The following PPP1R1C variants were observed in gnomAD, a reference collection of about 807,000 sequenced individuals.
PPP1R1C encodes the protein protein phosphatase 1 regulatory subunit 1C.
Under a neutral mutation model 17.4 loss-of-function variants are expected in PPP1R1C, and 15 were observed. The ratio of observed to expected loss-of-function variants is 0.86; its 90% CI spans 0.58 to 1.33. The LOEUF is 1.33. PPP1R1C is among the 40% of genes most tolerant of loss of function. PPP1R1C has a pLI of 0.00. For synonymous variants in PPP1R1C, 35 were observed against 43.1 expected (o/e 0.81, Z 0.73); for missense variants, 143 against 130.0 (o/e 1.10, Z -0.48).
chr2:182,065,661 T>C (rs1303813986), intron 4 of PPP1R1C, among the ~76,000 whole-genome samples: 1 of 151,982 alleles, frequency 6.6e-6, no homozygotes, highest in Non-Finnish European at 1.5e-5. Context: ...TTGGAGGCTA[T>C]AGGGCATTAT....
intron 4 of PPP1R1C, among the ~76,000 whole-genome samples, chr2:182,086,388 C>A (rs1053140495): frequency 1.3e-5 from 2 of 152,024 alleles, no homozygotes; most frequent in Non-Finnish European, 2.9e-5. Context: ...AAGGATCATA[C>A]TTAAACTTTG....
chr2:181,981,409 T>C (rs1685192360), upstream of PPP1R1C, among the ~76,000 whole-genome samples: 1 of 152,198 alleles, frequency 6.6e-6, no homozygotes, highest in South Asian at 2.1e-4. Context: ...CTTATAGCTG[T>C]AGATCTGAAA....
At chr2:182,106,527 A>G (rs571737763) in intron 4 of PPP1R1C, among the ~76,000 whole-genome samples, 1 of 152,256 alleles carries the variant, frequency 6.6e-6, no homozygotes, top group Admixed American at 6.5e-5. Flanking sequence ...TTCCCACTCC[A>G]TCCCACTTCT....
chr2:182,024,409 G>A (rs1686527693), intron 2 of PPP1R1C, among the ~76,000 whole-genome samples: 1 of 151,838 alleles, frequency 6.6e-6, no homozygotes, highest in Non-Finnish European at 1.5e-5. Context: ...TCAGAGCACA[G>A]TCAATTGATA....
intron 2 of PPP1R1C, among the ~76,000 whole-genome samples, chr2:181,997,723 C>A (rs143443398): frequency 6.6e-6 from 1 of 152,100 alleles, no homozygotes. Flanking sequence ...TCATGATTTA[C>A]GGACAGAAGT....
rs559346884 is a variant in PPP1R1C, at chr2:181,963,584, G to A, written n.111+8950G>A. Among the ~76,000 whole-genome samples the A allele has an allele frequency of 4.6e-5, 7 of 152,290 alleles. No homozygotes were observed. The East Asian group carries it at 1.2e-3, about 25-fold the overall frequency. On this transcript the variant is annotated intron_variant and non_coding_transcript_variant, in intron 1 of 5. Transcript: ENST00000464264. ...AACTGGGACCCGGGAGGCAGAGGTT[G>A]CAGTGAGCCAAGATTGGGCCACTGC... is the stretch of plus-strand genomic sequence containing the variant.
intron 2 of PPP1R1C, among the ~76,000 whole-genome samples, chr2:182,009,010 A>G (rs551510617): frequency 2.6e-5 from 4 of 152,110 alleles, no homozygotes; most frequent in African/African-American, 9.7e-5. Context: ...TACGTATCAC[A>G]TTTTGTTATC....
intron 5 of PPP1R1C, among the ~76,000 whole-genome samples, chr2:182,127,369 T>C (rs914686343): frequency 6.6e-6 from 1 of 152,064 alleles, no homozygotes; most frequent in Admixed American, 6.6e-5. Flanking sequence ...AAGTTCAAAA[T>C]TGTGTCATGT....
intron 2 of PPP1R1C, among the ~76,000 whole-genome samples, chr2:182,016,924 T>A (rs1035114126): frequency 1.3e-5 from 2 of 152,214 alleles, no homozygotes; most frequent in African/African-American, 2.4e-5. Flanking sequence ...ATTTGTGTGA[T>A]TCATAGCCAA....
At chr2:182,057,493 A>G (rs776032655) in intron 2 of PPP1R1C, among the ~76,000 whole-genome samples, 40 of 152,142 alleles carry the variant, frequency 2.6e-4, no homozygotes, top group Non-Finnish European at 4.9e-4. Flanking sequence ...GCTGGGGGAT[A>G]TGTATAATCA....
chr2:181,990,905 A>G (rs995401206), intron 2 of PPP1R1C, among the ~76,000 whole-genome samples: 15 of 152,312 alleles, frequency 9.8e-5, no homozygotes, highest in African/African-American at 3.6e-4. Context: ...ATTCACTGAA[A>G]TTGGCCAGGG....
intron 4 of PPP1R1C, among the ~76,000 whole-genome samples, chr2:182,089,836 TTA>T (rs1183290541): frequency 1.3e-5 from 2 of 152,090 alleles, no homozygotes; most frequent in Non-Finnish European, 2.9e-5. Context: ...AAATTAGGTT[TTA>T]TAATTTTGTT....
Position 181,961,994 on chromosome 2 carries a change from TCGGCTGC to T in PPP1R1C, n.111+7361_111+7367del. 1.4e-6 allele frequency: 1 copy of T among 732,280 alleles called. No individual in the cohort carries two copies. Among genetic ancestry groups the T allele is most frequent in the South Asian group, 1.4e-5 (1 of 73,262 alleles). The allele number at this position is 732,280 out of a possible 1,614,324, so 45.4% of individuals were successfully genotyped here. A position where few individuals can be genotyped will look rare whatever the true frequency, so the allele number is the denominator to read the frequency against. On this transcript the variant is annotated intron_variant and non_coding_transcript_variant, in intron 1 of 5. Transcript: ENST00000464264. The surrounding 1 kb of genome is among the most constrained non-coding windows in gnomAD (Gnocchi z 5.8). The stretch of plus-strand genomic sequence containing the variant: ...TGTCTCATACTTGACTCTAAAGTCA[TCGGCTGC>T]AAGACAGGCATTGTCAATCTGCAAA...
intron 4 of PPP1R1C, among the ~76,000 whole-genome samples, chr2:182,106,292 C>T (rs1278817999): frequency 6.6e-6 from 1 of 152,208 alleles, no homozygotes; most frequent in Non-Finnish European, 1.5e-5. Context: ...CCACTCTGGC[C>T]TGCCATGCCC....
intron 2 of PPP1R1C, among the ~76,000 whole-genome samples, chr2:181,978,310 A>T (rs946868832): frequency 5.3e-5 from 8 of 152,208 alleles, no homozygotes; most frequent in Non-Finnish European, 8.8e-5. Flanking sequence ...CTTTTCACTG[A>T]ATACCTTCTG....
In PPP1R1C at chr2:182,112,687, T is replaced by G. The variant is rs1245807553; in HGVS notation, c.242-4520T>G. On this transcript the variant is annotated intron_variant, in intron 4 of 4. Transcript: ENST00000682840. Reference sequence around the variant, plus strand: ...ATCTTTAAAGAGAGTAGAATTCAAATTCATAATTACTTGCAGATCAGAGAC... The same window carrying G: ...ATCTTTAAAGAGAGTAGAATTCAAAGTCATAATTACTTGCAGATCAGAGAC... Among the ~76,000 whole-genome samples, 7 of 152,100 alleles carry G rather than the reference T, an allele frequency of 4.6e-5. No homozygotes were observed. In the East Asian group the frequency reaches 1.4e-3, roughly 29 times the overall value.
downstream of PPP1R1C, among the ~76,000 whole-genome samples, chr2:182,118,155 T>C (rs1000027845): frequency 6.6e-6 from 1 of 152,160 alleles, no homozygotes. Flanking sequence ...TAGTCATTTA[T>C]TCATTAATTA....
At chr2:182,109,477 G>A (rs895715341) in intron 4 of PPP1R1C, among the ~76,000 whole-genome samples, 1 of 152,156 alleles carries the variant, frequency 6.6e-6, no homozygotes, top group Admixed American at 6.5e-5. Context: ...ATAAATGTGT[G>A]TTTTACATTG....
At chr2:182,012,981 T>C (rs1337980251) in intron 2 of PPP1R1C, among the ~76,000 whole-genome samples, 1 of 152,142 alleles carries the variant, frequency 6.6e-6, no homozygotes, top group Non-Finnish European at 1.5e-5. Flanking sequence ...GTACTTTCTA[T>C]GTATTTAAAA....
Sources: allele counts gnomAD v4.1 joint callset (sites outside exome capture counted in the v4.1 genomes callset), GRCh38; gene constraint gnomAD v4.1.1; non-coding constraint Gnocchi (gnomAD v3.1); transcripts MANE v1.5; gene names NCBI Gene and HGNC (gene_info 2026-07-23, HGNC 2026-07-21).